The following RRM2 variants were observed in gnomAD, a reference collection of about 807,000 sequenced individuals.
RRM2 encodes ribonucleotide reductase regulatory subunit M2.
Under a neutral mutation model 45.9 loss-of-function variants are expected in RRM2, and 6 were observed. The ratio of observed to expected loss-of-function variants is 0.13; its 90% confidence interval spans 0.07 to 0.26. The LOEUF is 0.26. Ranked by LOEUF, RRM2 falls within the 10% of genes least tolerant of loss-of-function variation. RRM2 has a pLI of 1.00. For synonymous variants in RRM2, 177 were observed against 173.0 expected (o/e 1.02, Z -0.18); for missense variants, 343 against 489.5 (o/e 0.70, Z 2.82).
At chr2:10,200,470 A>AC (rs1664533134) in intron 3 of RRM2, among the ~76,000 whole-genome samples, 1 of 68,340 alleles carries the variant, frequency 1.5e-5, no homozygotes, top group Non-Finnish European at 3.4e-5. Flanking sequence ...CCGCGCGCGC[A>AC]AAATATGAGG....
At chr2:10,176,590 A>G (rs1296110703) in intron 3 of RRM2, among the ~76,000 whole-genome samples, 1 of 151,960 alleles carries the variant, frequency 6.6e-6, no homozygotes, top group Non-Finnish European at 1.5e-5. Flanking sequence ...GAACCACCAC[A>G]CTGTTTTCCA....
chr2:10,172,100 C>T lies in RRM2; in HGVS notation n.482+29725C>T, dbSNP rs551145817. On this transcript the variant is annotated intron_variant and non_coding_transcript_variant, in intron 3 of 3. Transcript: ENST00000381786. The surrounding 1 kb of genome is among the most constrained non-coding windows in gnomAD (Gnocchi z 4.9). ...AGCATGAGTGCATTAACAGGGGGAA[C>T]GTCTGTGTTTACAGGGCATGCGTTT... Among the ~76,000 whole-genome samples the T allele has an allele frequency of 3.2e-4, 49 of 152,324 alleles. No homozygotes were observed. Among genetic ancestry groups the T allele is most frequent in the African/African-American group, 3.8e-4 (16 of 41,574 alleles).
At position 10,128,728 on chromosome 2, in the gene RRM2, GCT is replaced by G. The variant is rs1446683970; in HGVS notation, c.799-116_799-115del. Reference sequence around the variant, plus strand: ...TCATCTTCCCTTTGAGAGTTCAAGTGCTCTCAGTATGGCTGAGCATGTTGGAT... The same window carrying G: ...TCATCTTCCCTTTGAGAGTTCAAGTGCTCAGTATGGCTGAGCATGTTGGAT... On this transcript the variant is annotated intron_variant, in intron 7 of 9. Transcript: ENST00000304567. 2.1e-5 allele frequency: 15 copies of G among 709,832 alleles called. No homozygotes were observed. In the East Asian group the frequency reaches 2.4e-4, roughly 11 times the overall value. The allele number at this position is 709,832 out of a possible 1,614,324, so 44.0% of individuals were successfully genotyped here.
intron 3 of RRM2, among the ~76,000 whole-genome samples, chr2:10,178,249 G>A (rs1364817218): frequency 7.6e-5 from 10 of 132,258 alleles, no homozygotes; most frequent in African/African-American, 3.0e-4. Context: ...TTAATGTGAA[G>A]TCTCACTGTG....
chr2:10,189,708 A>G (rs1383753602), intron 3 of RRM2, among the ~76,000 whole-genome samples: 1 of 152,230 alleles, frequency 6.6e-6, no homozygotes, highest in East Asian at 1.9e-4. Flanking sequence ...TGTCAAGGGA[A>G]CACCACTACT....
Position 10,129,010 on chromosome 2 carries a change from T to A in RRM2, c.904-31T>A. On this transcript the variant is annotated intron_variant, in intron 8 of 9. Coordinates refer to ENST00000304567, the MANE Select transcript of RRM2 (RefSeq NM_001034.4). This position sits in a 1 kb window ranked among gnomAD's most constrained non-coding sequence, Gnocchi z 4.8. The stretch of plus-strand genomic sequence containing the variant: ...TTGCTAGAAAATGCCTGTGCTTTAG[T>A]TGTATTCAGAAGCTGTATTTTGGTT... The A allele has an allele frequency of 6.2e-7, 1 of 1,610,864 alleles. No homozygotes were observed. Among genetic ancestry groups the A allele is most frequent in the Non-Finnish European group, 8.5e-7 (1 of 1,177,030 alleles).
At chr2:10,150,197 C>T (rs899615053) in intron 3 of RRM2, among the ~76,000 whole-genome samples, 4 of 152,150 alleles carry the variant, frequency 2.6e-5, no homozygotes, top group Admixed American at 1.3e-4. Context: ...CCTGTAATCC[C>T]AGCACTTTGG....
chr2:10,164,836 A>G (rs781423016), intron 3 of RRM2, among the ~76,000 whole-genome samples: 8 of 152,260 alleles, frequency 5.3e-5, no homozygotes, highest in African/African-American at 1.7e-4. Flanking sequence ...AGGCTACTCA[A>G]CCAAGCTCAG....
At chr2:10,210,262 TTGGATG>T in intron 3 of RRM2, 1 of 1,270,726 alleles carries the variant, frequency 7.9e-7, no homozygotes, top group South Asian at 1.2e-5. Context: ...GGGGCATGGG[TTGGATG>T]ATCTTGGTTC....
At chr2:10,160,604 T>A (rs945906673) in intron 3 of RRM2, among the ~76,000 whole-genome samples, 1 of 152,156 alleles carries the variant, frequency 6.6e-6, no homozygotes, top group African/African-American at 2.4e-5. Flanking sequence ...CCTTCCCATA[T>A]TCACCATAGA....
chr2:10,162,664 C>T (rs1282694330), intron 3 of RRM2, among the ~76,000 whole-genome samples: 1 of 148,640 alleles, frequency 6.7e-6, no homozygotes, highest in Non-Finnish European at 1.5e-5. Context: ...AAGACATCAG[C>T]CACCTGCACC....
intron 3 of RRM2, among the ~76,000 whole-genome samples, chr2:10,151,316 T>G (rs1486897403): frequency 1.1e-4 from 1 of 9,418 alleles, no homozygotes; most frequent in African/African-American, 5.9e-4. Context: ...TTTTTTTTTG[T>G]AGACAGAGTC....
intron 3 of RRM2, among the ~76,000 whole-genome samples, chr2:10,154,769 C>T (rs1366136318): frequency 5.6e-5 from 8 of 142,954 alleles, no homozygotes; most frequent in African/African-American, 2.1e-4. Flanking sequence ...GATCTCGGCT[C>T]ACTGCAACCT....
intron 3 of RRM2, chr2:10,199,021 T>G (rs1035122): frequency 0.5 from 76,630 of 151,850 alleles, 19,817 homozygotes; most frequent in East Asian, 0.79. Flanking sequence ...GTCCAAAATG[T>G]TGATGCTCCT....
At chr2:10,125,200 A>G (rs895230054) in intron 5 of RRM2, among the ~76,000 whole-genome samples, 1 of 152,234 alleles carries the variant, frequency 6.6e-6, no homozygotes, top group Admixed American at 6.5e-5. Flanking sequence ...AGTGGGATGG[A>G]CGGGGAGGAC....
At chr2:10,142,208 A>C (rs375650865) in intron 2 of RRM2, 1 of 1,557,336 alleles carries the variant, frequency 6.4e-7, no homozygotes, top group Non-Finnish European at 8.7e-7. Context: ...GGGTGTGTAC[A>C]TGCAGGTCTG....
chr2:10,194,404 A>T (rs751371167), intron 3 of RRM2, among the ~76,000 whole-genome samples: 14 of 152,198 alleles, frequency 9.2e-5, no homozygotes, highest in Non-Finnish European at 1.9e-4. Context: ...CTCATCTGTG[A>T]CACAGAAATG....
At chr2:10,207,838 C>T (rs185820843) in intron 3 of RRM2, among the ~76,000 whole-genome samples, 173 of 152,172 alleles carry the variant, frequency 1.1e-3, no homozygotes, top group Non-Finnish European at 1.7e-3. Context: ...TAGTCTGGAT[C>T]CTCCTTTGGA....
At chr2:10,126,032 G>A (rs1662769680) in intron 5 of RRM2, among the ~76,000 whole-genome samples, 1 of 151,968 alleles carries the variant, frequency 6.6e-6, no homozygotes, top group Non-Finnish European at 1.5e-5. Flanking sequence ...GGTAGTCTGA[G>A]CTAGTAGTCC....
Sources: gnomAD v4.1 joint callset for allele counts (sites outside exome capture counted in the v4.1 genomes callset) on GRCh38, gnomAD v4.1.1 for gene constraint, Gnocchi (gnomAD v3.1) non-coding constraint, MANE v1.5 for transcripts, NCBI Gene and HGNC (gene_info 2026-07-23, HGNC 2026-07-21) for gene names.